Variants in TGFBR3 observed in about 807,000 individuals in gnomAD.
The protein encoded by TGFBR3 is transforming growth factor beta receptor 3.
A neutral mutation model predicts 87.9 loss-of-function variants in TGFBR3; 46 were observed. That is an observed-to-expected ratio of 0.52 (90% CI 0.41 to 0.67). The LOEUF (loss-of-function observed/expected upper bound fraction) is 0.67. Among genes scored for constraint, TGFBR3 ranks in the 30% least tolerant of loss-of-function variants. The probability of loss-of-function intolerance (pLI) is 0.00; values close to 1 mark genes in which losing one functional copy is unlikely to be tolerated. For synonymous variants in TGFBR3, 381 were observed against 391.6 expected (o/e 0.97, Z 0.32); for missense variants, 866 against 1,041.9 (o/e 0.83, Z 2.32).
intron 1 of TGFBR3, among the ~76,000 whole-genome samples, chr1:91,883,627 C>T (rs1440924331): frequency 6.6e-6 from 1 of 152,144 alleles, no homozygotes; most frequent in African/African-American, 2.4e-5. Flanking sequence ...CACGGGTTGC[C>T]TTTGAAGTGC....
chr1:91,733,350 A>G (rs1672841079), intron 5 of TGFBR3, among the ~76,000 whole-genome samples: 1 of 152,158 alleles, frequency 6.6e-6, no homozygotes, highest in African/African-American at 2.4e-5. Flanking sequence ...GCCCTCCACT[A>G]AGCCCTCTGT....
chr1:91,712,361 A>G lies in TGFBR3; in HGVS notation c.2048T>C (p.Met683Thr), dbSNP rs1672012574. Residue 683 changes from methionine to threonine, a missense_variant, in exon 13 of 17, where the codon ATG (methionine) becomes ACG (threonine). Coordinates refer to ENST00000212355, the MANE Select transcript of TGFBR3 (RefSeq NM_003243.5). ...RVHFPIPQAD[M>T]DKKRFSFVFK... Reference sequence around the variant, plus strand: ...GACAAAGCTGAATCGCTTCTTATCCATGTCAGCTTGCGGGATAGGAAAGTG... The same window carrying G: ...GACAAAGCTGAATCGCTTCTTATCCGTGTCAGCTTGCGGGATAGGAAAGTG... 6.2e-7 allele frequency: 1 copy of G among 1,614,218 alleles called. No individual in the cohort carries two copies. The highest frequency in any genetic ancestry group is 1.3e-5 in the African/African-American group (1 of 75,052).
intron 1 of TGFBR3, among the ~76,000 whole-genome samples, chr1:91,883,955 A>C (rs1327385549): frequency 6.6e-6 from 1 of 152,236 alleles, no homozygotes; most frequent in East Asian, 1.9e-4. Flanking sequence ...TGCCAACCCC[A>C]AGCTGTTTCC....
chr1:91,730,984 C>T (rs774227407), intron 5 of TGFBR3, among the ~76,000 whole-genome samples: 2 of 152,218 alleles, frequency 1.3e-5, no homozygotes, highest in African/African-American at 2.4e-5. Context: ...TTACACAGCA[C>T]GGCGGCTGAT....
Position 91,683,783 on chromosome 1 carries a change from C to T in TGFBR3, c.2512G>A (p.Gly838Ser), listed in dbSNP as rs1490598813. The T allele has an allele frequency of 4.4e-6, 7 of 1,604,710 alleles. No individual in the cohort carries two copies. The highest frequency in any genetic ancestry group is 2.2e-5 in the South Asian group (2 of 89,358). The change falls in exon 17 of 17, where the codon GGC (glycine) becomes AGC (serine). Residue 838 changes from glycine to serine, a missense_variant. By Grantham distance (56) the Gly-to-Ser change is moderately conservative. Transcript: ENST00000212355. ...SENSSAAHSI[G>S]STQSTPCSSS... The stretch of plus-strand genomic sequence containing the variant: ...GAGCAAGGCGTGCTCTGCGTGCTGC[C>T]GATGCTGTGGGCAGCACTGCTGTTT...
chr1:91,681,425 G>C lies in TGFBR3; in HGVS notation c.*2314C>G, dbSNP rs1303082400. The C allele has an allele frequency of 2.7e-6, 1 of 364,612 alleles. No individual in the cohort carries two copies. Among genetic ancestry groups the C allele is most frequent in the East Asian group, 8.1e-5 (1 of 12,420 alleles). 22.6% of individuals were successfully genotyped at this position (364,612 alleles called of 1,614,324 possible). ...CTCTCTCTTTTAAAAAGATCTTTTG[G>C]TTTGCATCTATAAATTTGTAAATTA... On this transcript the variant is annotated 3_prime_UTR_variant, in exon 17 of 17. Transcript: ENST00000212355.
chr1:91,733,266 A>G (rs538501251), intron 5 of TGFBR3, among the ~76,000 whole-genome samples: 65 of 152,352 alleles, frequency 4.3e-4, no homozygotes, highest in African/African-American at 1.5e-3. Flanking sequence ...CGTTAAACTC[A>G]AGAGTCAGGA....
At chr1:91,710,944 G>T (rs1314722737) in intron 13 of TGFBR3, among the ~76,000 whole-genome samples, 1 of 152,172 alleles carries the variant, frequency 6.6e-6, no homozygotes, top group African/African-American at 2.4e-5. Flanking sequence ...AATTTTCCCA[G>T]ATTAACACAC....
intron 2 of TGFBR3, among the ~76,000 whole-genome samples, chr1:91,831,299 A>G (rs1192959298): frequency 6.6e-6 from 1 of 152,240 alleles, no homozygotes; most frequent in Non-Finnish European, 1.5e-5. Context: ...CTAGAGCCCA[A>G]GGAAGCTGTA....
intron 16 of TGFBR3, among the ~76,000 whole-genome samples, chr1:91,693,854 A>G (rs898792381): frequency 6.6e-6 from 1 of 152,176 alleles, no homozygotes; most frequent in Non-Finnish European, 1.5e-5. Context: ...AGATCTGAAC[A>G]TGTCGGTATT....
At chr1:91,719,530 A>G in intron 9 of TGFBR3, 66 bp from the exon 10 acceptor site, 1 of 1,588,668 alleles carries the variant, frequency 6.3e-7, no homozygotes, top group Non-Finnish European at 8.6e-7. Context: ...TAATTGACAC[A>G]ATTGACAATT....
intron 13 of TGFBR3, among the ~76,000 whole-genome samples, chr1:91,710,734 A>G (rs999510751): frequency 6.6e-6 from 1 of 152,180 alleles, no homozygotes; most frequent in African/African-American, 2.4e-5. Context: ...GAAGCCAGGT[A>G]TGATTATAAC....
chr1:91,739,108 C>A (rs1673061116), intron 4 of TGFBR3, among the ~76,000 whole-genome samples: 1 of 152,090 alleles, frequency 6.6e-6, no homozygotes, highest in Non-Finnish European at 1.5e-5. Flanking sequence ...GGACACAGGT[C>A]CCAGAGGAGA....
Position 91,735,512 on chromosome 1 carries a change from C to T in TGFBR3, c.385-553G>A, listed in dbSNP as rs118153532. On this transcript the variant is annotated intron_variant, in intron 4 of 16. Transcript: ENST00000212355. Reference sequence around the variant, plus strand: ...GATAAAAATGGCCAAAGGTTGCCAGCCTTTCTATCACATTGCTCTATTTCA... The same window carrying T: ...GATAAAAATGGCCAAAGGTTGCCAGTCTTTCTATCACATTGCTCTATTTCA... Among the ~76,000 whole-genome samples the T allele has an allele frequency of 6.1e-4, 93 of 152,334 alleles. 1 individual carries two copies. The East Asian group carries it at 0.017, about 27-fold the overall frequency.
intron 2 of TGFBR3, among the ~76,000 whole-genome samples, chr1:91,808,551 C>T (rs1196251133): frequency 6.6e-6 from 1 of 152,136 alleles, no homozygotes; most frequent in Non-Finnish European, 1.5e-5. Context: ...CTGCAAATTC[C>T]GCCTCCTGGG....
intron 2 of TGFBR3, among the ~76,000 whole-genome samples, chr1:91,844,160 T>G (rs920409064): frequency 6.6e-6 from 1 of 152,142 alleles, no homozygotes; most frequent in East Asian, 1.9e-4. Flanking sequence ...AAAGAACATA[T>G]CTCACAGTAC....
intron 2 of TGFBR3, among the ~76,000 whole-genome samples, chr1:91,807,859 A>G (rs1322654072): frequency 6.6e-6 from 1 of 152,210 alleles, no homozygotes; most frequent in East Asian, 1.9e-4. Flanking sequence ...TAAGCATTCC[A>G]TGATCTCTTA....
At chr1:91,721,344 T>C (rs182633705) in intron 8 of TGFBR3, among the ~76,000 whole-genome samples, 1 of 152,344 alleles carries the variant, frequency 6.6e-6, no homozygotes, top group Admixed American at 6.5e-5. Flanking sequence ...AAACAGTGAC[T>C]AAATGGTAGA....
chr1:91,740,698 G>A (rs998443086), intron 4 of TGFBR3, among the ~76,000 whole-genome samples: 1 of 152,098 alleles, frequency 6.6e-6, no homozygotes, highest in African/African-American at 2.4e-5. Context: ...ATTTGGGCAG[G>A]GACATAGACC....
Sources: allele counts gnomAD v4.1 joint callset (sites outside exome capture counted in the v4.1 genomes callset), GRCh38; gene constraint gnomAD v4.1.1; transcripts MANE v1.5; gene names NCBI Gene and HGNC (gene_info 2026-07-23, HGNC 2026-07-21).